Variants in ADGRD1 observed in about 807,000 individuals in gnomAD.
ADGRD1 encodes the protein adhesion G protein-coupled receptor D1, also known as G-protein coupled receptor 133.
ADGRD1 carries 77 observed loss-of-function variants against 113.4 expected under a neutral mutation model. The observed-to-expected ratio is 0.68, with a 90% CI of 0.57 to 0.82. The LOEUF is 0.82. Ranked by LOEUF, ADGRD1 falls within the 40% of genes least tolerant of loss-of-function variation. ADGRD1 has a pLI of 0.00. For synonymous variants in ADGRD1, 474 were observed against 475.0 expected (o/e 1.00, Z 0.03); for missense variants, 1,036 against 1,139.1 (o/e 0.91, Z 1.30).
chr12:131,009,484 A>G (rs1151357), intron 12 of ADGRD1, among the ~76,000 whole-genome samples: 99,275 of 152,060 alleles, frequency 0.65, 32,836 homozygotes, highest in East Asian at 0.82. Flanking sequence ...AGCATCTTGT[A>G]GGGTCCTCGT....
chr12:130,960,930 C>T (rs970826963), intron 2 of ADGRD1, among the ~76,000 whole-genome samples: 24 of 152,280 alleles, frequency 1.6e-4, no homozygotes, highest in Non-Finnish European at 2.5e-4. Flanking sequence ...CTACACAAAA[C>T]GTGGGGATCA....
intron 13 of ADGRD1, among the ~76,000 whole-genome samples, chr12:131,031,371 G>C (rs1490797910): frequency 6.6e-6 from 1 of 152,208 alleles, no homozygotes; most frequent in African/African-American, 2.4e-5. Context: ...AGGTGCAGGA[G>C]AATTCGGGGA....
At position 130,971,435 on chromosome 12, in the gene ADGRD1, ATGT is replaced by A. The variant is rs745427965; in HGVS notation, c.188-19_188-17del. Reference sequence around the variant, plus strand: ...AATCTCGGAAGGTTATTAACATATGATGTTGTCATTTTTCTTCCTTAGATATTG... The same window carrying A: ...AATCTCGGAAGGTTATTAACATATGATGTCATTTTTCTTCCTTAGATATTG... On this transcript the variant is annotated intron_variant, in intron 3 of 24. Transcript: ENST00000261654. This position sits in a 1 kb window ranked among gnomAD's most constrained non-coding sequence, Gnocchi z 4.2. 1.2e-6 allele frequency: 2 copies of A among 1,609,352 alleles called. No homozygotes were observed. Among genetic ancestry groups the A allele is most frequent in the South Asian group, 2.2e-5 (2 of 90,674 alleles).
At chr12:130,997,162 G>A (rs1462605457) in intron 8 of ADGRD1, among the ~76,000 whole-genome samples, 2 of 140,472 alleles carry the variant, frequency 1.4e-5, no homozygotes, top group African/African-American at 5.4e-5. Flanking sequence ...CCTCCCGGAC[G>A]GGGCGGCTTG....
At chr12:131,047,492 G>A (rs1427486093) in intron 13 of ADGRD1, among the ~76,000 whole-genome samples, 1 of 152,230 alleles carries the variant, frequency 6.6e-6, no homozygotes, top group East Asian at 1.9e-4. Flanking sequence ...GAGGAGAGGG[G>A]CAGATACAGA....
At chr12:131,083,672 T>C (rs1408939332) in intron 14 of ADGRD1, among the ~76,000 whole-genome samples, 2 of 152,214 alleles carry the variant, frequency 1.3e-5, no homozygotes, top group African/African-American at 4.8e-5. Context: ...TATTCACCAA[T>C]ATTCACACCA....
chr12:131,098,301 T>G (rs1593210387), intron 15 of ADGRD1, among the ~76,000 whole-genome samples: 1 of 150,216 alleles, frequency 6.7e-6, no homozygotes, highest in African/African-American at 2.5e-5. Context: ...AGGGAGAGGG[T>G]GGATGGAGGC....
chr12:131,063,185 A>G (rs1276699199), intron 13 of ADGRD1, among the ~76,000 whole-genome samples: 2 of 152,206 alleles, frequency 1.3e-5, no homozygotes, highest in African/African-American at 4.8e-5. Flanking sequence ...ATGGATCTGG[A>G]TTATTATAGA....
chr12:130,988,569 T>C (rs1344380279), intron 6 of ADGRD1: 2 of 152,248 alleles, frequency 1.3e-5, no homozygotes, highest in Non-Finnish European at 2.9e-5. Flanking sequence ...GAAAGCCATG[T>C]GTTTCTTTTT....
intron 4 of ADGRD1, chr12:130,978,917 G>A (rs1872641354): frequency 6.6e-6 from 1 of 152,200 alleles, no homozygotes; most frequent in Non-Finnish European, 1.5e-5. Flanking sequence ...GAGTGTGCAG[G>A]GAAGTGGCGG....
Position 131,022,675 on chromosome 12 carries a change from T to G in ADGRD1, c.1473+8335T>G, listed in dbSNP as rs1220616036. 6.6e-6 allele frequency: 1 copy of G among 152,148 alleles called. No individual in the cohort carries two copies. Among genetic ancestry groups the G allele is most frequent in the African/African-American group, 2.4e-5 (1 of 41,444 alleles). 9.4% of individuals were successfully genotyped at this position (152,148 alleles called of 1,614,324 possible). Reference sequence around the variant, plus strand: ...CCTCCCTCATTTTCTGAGTCCCTCCTTACATTCAGGCATTAAAGATATGCT... The same window carrying G: ...CCTCCCTCATTTTCTGAGTCCCTCCGTACATTCAGGCATTAAAGATATGCT... On this transcript the variant is annotated intron_variant, in intron 13 of 24. Coordinates refer to ENST00000261654, the MANE Select transcript of ADGRD1 (RefSeq NM_198827.5). The surrounding 1 kb of genome is among the most constrained non-coding windows in gnomAD (Gnocchi z 4.6).
chr12:130,979,726 A>G (rs1395385126), intron 4 of ADGRD1, among the ~76,000 whole-genome samples: 1 of 151,290 alleles, frequency 6.6e-6, no homozygotes, highest in African/African-American at 2.4e-5. Flanking sequence ...GAACCCTCTT[A>G]CCCATGTGCC....
intron 12 of ADGRD1, among the ~76,000 whole-genome samples, chr12:131,012,090 C>CT (rs1278457052): frequency 6.6e-6 from 1 of 152,154 alleles, no homozygotes; most frequent in East Asian, 1.9e-4. Flanking sequence ...ATCTGAGATA[C>CT]TACCCGGGTC....
intron 13 of ADGRD1, among the ~76,000 whole-genome samples, chr12:131,046,315 T>C (rs111793787): frequency 9.6e-5 from 13 of 135,754 alleles, no homozygotes; most frequent in East Asian, 2.3e-4. Context: ...CCCTCCCTGG[T>C]CAGTGTCCTC....
At chr12:130,982,979 T>G (rs1388225799) in intron 5 of ADGRD1, among the ~76,000 whole-genome samples, 1 of 152,124 alleles carries the variant, frequency 6.6e-6, no homozygotes, top group Non-Finnish European at 1.5e-5. Context: ...TTTGATGTAT[T>G]TAAGGGAAAT....
At chr12:131,134,719 A>G (rs1297960314) in intron 21 of ADGRD1, among the ~76,000 whole-genome samples, 1 of 152,242 alleles carries the variant, frequency 6.6e-6, no homozygotes, top group Admixed American at 6.5e-5. Context: ...GAAGCTCATT[A>G]TGGCCGCATC....
chr12:131,109,684 C>T (rs1490097857), intron 18 of ADGRD1, among the ~76,000 whole-genome samples: 2 of 152,012 alleles, frequency 1.3e-5, no homozygotes, highest in Non-Finnish European at 2.9e-5. Flanking sequence ...TTCCATATGC[C>T]CTTGAGAAGA....
Position 131,070,870 on chromosome 12 carries a change from C to T in ADGRD1, c.1474-5931C>T, listed in dbSNP as rs144401182. 4.1e-3 allele frequency: 2,143 copies of T among 519,006 alleles called. 42 individuals carry two copies. Among genetic ancestry groups the T allele is most frequent in the South Asian group, 0.017 (1,242 of 71,590 alleles). 32.2% of individuals were successfully genotyped at this position (519,006 alleles called of 1,614,324 possible). ...CCCATGTGGTCATGGAGTGTCTGCA[C>T]GGGACGTCCTGGAGAGTCGGGTGAG... On this transcript the variant is annotated intron_variant, in intron 13 of 24. Coordinates refer to ENST00000261654, the MANE Select transcript of ADGRD1 (RefSeq NM_198827.5).
In ADGRD1 at chr12:131,139,305, A is replaced by ACC. The variant is rs35160436; in HGVS notation, c.*48_*49dup. 6.2e-4 allele frequency: 777 copies of ACC among 1,250,768 alleles called. No homozygotes were observed. Among genetic ancestry groups the ACC allele is most frequent in the African/African-American group, 8.8e-4 (59 of 66,970 alleles). The allele number at this position is 1,250,768 out of a possible 1,614,324, so 77.5% of individuals were successfully genotyped here. On this transcript the variant is annotated 3_prime_UTR_variant, in exon 25 of 25. Transcript: ENST00000261654. ...CCAGGCCAGGCTGCGCTCAGAACAC[A>ACC]CCCCCCCAAACAGAATGAAATGCCC...
Sources: allele counts gnomAD v4.1 joint callset (sites outside exome capture counted in the v4.1 genomes callset), GRCh38; gene constraint gnomAD v4.1.1; non-coding constraint Gnocchi (gnomAD v3.1); transcripts MANE v1.5; gene names NCBI Gene and HGNC (gene_info 2026-07-23, HGNC 2026-07-21).